The following SLC35A1 variants were observed in gnomAD, a reference collection of about 807,000 sequenced individuals.
The protein encoded by SLC35A1 is solute carrier family 35 member A1.
In SLC35A1, 21 loss-of-function variants were observed where a neutral mutation model predicts 40.3. The observed-to-expected ratio is 0.52, with a 90% CI of 0.37 to 0.75. SLC35A1 has a LOEUF of 0.75. Ranked by LOEUF, SLC35A1 falls within the 30% of genes least tolerant of loss-of-function variation. SLC35A1 has a pLI of 0.00. For synonymous variants in SLC35A1, 146 were observed against 147.3 expected, an observed-to-expected ratio of 0.99 and a Z score of 0.06; for missense variants, 297 against 382.1, an observed-to-expected ratio of 0.78 and a Z score of 1.86.
chr6:87,477,592 ATTTG>A, intron 2 of SLC35A1, 53 bp downstream of exon 2: 2 of 1,424,426 alleles, frequency 1.4e-6, no homozygotes, highest in African/African-American at 1.4e-5. Flanking sequence ...TGGTGAGGGT[ATTTG>A]TTAGAAAATT....
rs9450722 is a variant in SLC35A1, at chr6:87,511,766, G to T, written c.*240G>T. The T allele has an allele frequency of 5.7e-3, 2,824 of 497,562 alleles. 63 individuals are homozygous for T. Among genetic ancestry groups the T allele is most frequent in the African/African-American group, 0.05 (2,588 of 51,598 alleles). 30.8% of individuals were successfully genotyped at this position (497,562 alleles called of 1,614,324 possible). ...TAGAATGAAGGAATTGTATTATTGT[G>T]TGTATATATAATTTGTAAATAAAAA... is the stretch of plus-strand genomic sequence containing the variant. On this transcript the variant is annotated 3_prime_UTR_variant, in exon 8 of 8. Transcript: ENST00000369552.
intron 1 of SLC35A1, among the ~76,000 whole-genome samples, chr6:87,477,114 C>T (rs1195544332): frequency 6.6e-6 from 1 of 151,998 alleles, no homozygotes; most frequent in East Asian, 1.9e-4. Flanking sequence ...AATTGGGGCA[C>T]TCCCTAGGAA....
intron 2 of SLC35A1, among the ~76,000 whole-genome samples, chr6:87,487,513 CTT>C (rs1344346656): frequency 6.6e-6 from 1 of 152,120 alleles, no homozygotes; most frequent in East Asian, 1.9e-4. Flanking sequence ...TCTAAAGACA[CTT>C]TATTTAATGT....
intron 2 of SLC35A1, among the ~76,000 whole-genome samples, chr6:87,493,380 G>A (rs1199634460): frequency 6.6e-5 from 10 of 152,030 alleles, no homozygotes; most frequent in Non-Finnish European, 1.5e-4. Context: ...CATTGATACT[G>A]GAGTATCATT....
intron 2 of SLC35A1, among the ~76,000 whole-genome samples, chr6:87,487,858 G>A (rs1026660637): frequency 6.6e-6 from 1 of 152,172 alleles, no homozygotes; most frequent in African/African-American, 2.4e-5. Context: ...GCACATGTCT[G>A]CCAATGACTG....
intron 2 of SLC35A1, among the ~76,000 whole-genome samples, chr6:87,484,577 G>A (rs545305203): frequency 3.3e-5 from 5 of 152,256 alleles, no homozygotes; most frequent in Admixed American, 6.5e-5. Context: ...GAGAGTAACG[G>A]GGTGAGTGGT....
chr6:87,498,478 CTATT>C (rs1203331073), intron 2 of SLC35A1, among the ~76,000 whole-genome samples: 3 of 151,978 alleles, frequency 2.0e-5, no homozygotes, highest in African/African-American at 7.2e-5. Flanking sequence ...TCTTTATACT[CTATT>C]TAAGATGTTG....
In SLC35A1 at chr6:87,477,537, T is replaced by C; in HGVS notation, c.192T>C (p.Ala64=). The change falls in exon 2 of 8, where the codon GCT becomes GCC. Residue 64 remains alanine, a splice_region_variant and synonymous_variant. Coordinates refer to ENST00000369552, the MANE Select transcript of SLC35A1 (RefSeq NM_006416.5). The stretch of plus-strand genomic sequence containing the variant: ...TATTGCTAAGTGTGGGAATTTTAGC[T>C]AAGTGAGTATAAATACTTATAGTGT... ...IKLLLSVGIL[A]KETGSLGRFK... The C allele has an allele frequency of 6.2e-7, 1 of 1,607,348 alleles. No homozygotes were observed.
chr6:87,487,130 C>A (rs1769413420), intron 2 of SLC35A1, among the ~76,000 whole-genome samples: 1 of 152,024 alleles, frequency 6.6e-6, no homozygotes, highest in Non-Finnish European at 1.5e-5. Flanking sequence ...GAGCTGAGAT[C>A]ACACCACTGC....
chr6:87,509,271 T>A (rs1770181954), intron 7 of SLC35A1, 96 bp downstream of exon 7: 2 of 1,466,598 alleles, frequency 1.4e-6, no homozygotes, highest in Admixed American at 1.7e-5. Context: ...TTGGTCATAC[T>A]GTTTACAGAA....
intron 2 of SLC35A1, among the ~76,000 whole-genome samples, chr6:87,480,161 A>C (rs879812162): frequency 2.6e-5 from 4 of 152,214 alleles, no homozygotes; most frequent in Non-Finnish European, 5.9e-5. Context: ...AGAAATGCCA[A>C]ATTTTTCCCC....
chr6:87,494,321 AAG>A (rs922035846), intron 2 of SLC35A1, among the ~76,000 whole-genome samples: 4 of 152,222 alleles, frequency 2.6e-5, no homozygotes, highest in Non-Finnish European at 4.4e-5. Context: ...TTTAAATTAA[AAG>A]AGAAATTAGT....
Position 87,512,002 on chromosome 6 carries a change from T to G in SLC35A1, c.*476T>G. The G allele has an allele frequency of 5.7e-6, 1 of 174,400 alleles. No individual in the cohort carries two copies. The highest frequency in any genetic ancestry group is 1.5e-4 in the East Asian group (1 of 6,798). 10.8% of individuals were successfully genotyped at this position (174,400 alleles called of 1,614,324 possible). A position where few individuals can be genotyped will look rare whatever the true frequency, so the allele number is the denominator to read the frequency against. ...TAGCAGCATAAAGACCTAGCTCTTT[T>G]CTTACAAGAGGCAGAAACAAGACAG... On this transcript the variant is annotated 3_prime_UTR_variant, in exon 8 of 8. Coordinates refer to ENST00000369552, the MANE Select transcript of SLC35A1 (RefSeq NM_006416.5).
intron 2 of SLC35A1, among the ~76,000 whole-genome samples, chr6:87,479,797 A>G (rs1769196937): frequency 6.6e-6 from 1 of 152,128 alleles, no homozygotes; most frequent in Admixed American, 6.5e-5. Context: ...ATTAATTGTG[A>G]CCCACCAAAA....
chr6:87,497,437 G>A (rs2300906), intron 2 of SLC35A1, among the ~76,000 whole-genome samples: 96,641 of 152,022 alleles, frequency 0.64, 32,212 homozygotes, highest in African/African-American at 0.84. Context: ...TAATCCTGAC[G>A]CACTGTACTT....
rs756528532 is a variant in SLC35A1 at position 87,500,643 on chromosome 6, C to G, written c.330C>G (p.Ser110Arg). The stretch of plus-strand genomic sequence containing the variant: ...ACAACATGGCTTTCCTAGCTCTTAG[C>G]AATCTGGATGCAGCAGTGTACCAGG... ...VQNNMAFLAL[S>R]NLDAAVYQVT... Residue 110 changes from serine to arginine, a missense_variant, in exon 3 of 8, where the codon AGC becomes AGG. By Grantham distance (110) the Ser-to-Arg change is moderately radical. Coordinates refer to ENST00000369552, the MANE Select transcript of SLC35A1 (RefSeq NM_006416.5). 1.9e-6 allele frequency: 3 copies of G among 1,614,034 alleles called. No individual in the cohort carries two copies. Among genetic ancestry groups the G allele is most frequent in the Non-Finnish European group, 2.5e-6 (3 of 1,180,014 alleles).
chr6:87,511,360 C>T (rs200818380), intron 7 of SLC35A1, 39 bp from the exon 8 acceptor site: 235 of 1,608,878 alleles, frequency 1.5e-4, no homozygotes, highest in Admixed American at 1.1e-3. Flanking sequence ...ATTTTAAAGA[C>T]ACACATACAG....
intron 2 of SLC35A1, among the ~76,000 whole-genome samples, chr6:87,482,997 G>A (rs1288354570): frequency 2.6e-5 from 4 of 152,166 alleles, no homozygotes; most frequent in South Asian, 4.1e-4. Flanking sequence ...GCTATGGGTC[G>A]TCAGTGATCT....
chr6:87,473,462 C>A (rs140975615), intron 1 of SLC35A1, among the ~76,000 whole-genome samples: 99 of 152,338 alleles, frequency 6.5e-4, no homozygotes, highest in African/African-American at 2.3e-3. Flanking sequence ...AAGGCAGGCT[C>A]CGGGCGCAGA....
Sources: allele counts gnomAD v4.1 joint callset (sites outside exome capture counted in the v4.1 genomes callset), GRCh38; gene constraint gnomAD v4.1.1; transcripts MANE v1.5; gene names NCBI Gene and HGNC (gene_info 2026-07-23, HGNC 2026-07-21).